PCDHAC1: variants seen among roughly 807,000 people sequenced by gnomAD.
PCDHAC1 encodes the protein protocadherin alpha-C1.
Under a neutral mutation model 60.0 loss-of-function variants are expected in PCDHAC1, and 42 were observed. The observed-to-expected ratio is 0.70, with a 90% confidence interval of 0.55 to 0.90. The LOEUF is 0.90. Ranked by LOEUF, PCDHAC1 falls within the 40% of genes least tolerant of loss-of-function variation. PCDHAC1 has a pLI of 0.00. For synonymous variants in PCDHAC1, 468 were observed against 499.3 expected (o/e 0.94, Z 0.84); for missense variants, 1,160 against 1,222.3 (o/e 0.95, Z 0.76).
intron 2 of PCDHAC1, among the ~76,000 whole-genome samples, chr5:140,979,906 C>T (rs190577549): frequency 1.8e-4 from 27 of 152,204 alleles, no homozygotes; most frequent in African/African-American, 5.5e-4. Context: ...TAGATCAGTT[C>T]GTAAAGAGAA....
intron 1 of PCDHAC1, among the ~76,000 whole-genome samples, chr5:140,942,466 A>G (rs1269455545): frequency 2.0e-5 from 3 of 152,266 alleles, no homozygotes; most frequent in African/African-American, 7.2e-5. Flanking sequence ...TAATACAATC[A>G]AATTCAAGCT....
intron 1 of PCDHAC1, among the ~76,000 whole-genome samples, chr5:140,952,596 GTT>G (rs1246642070): frequency 6.6e-6 from 1 of 152,136 alleles, no homozygotes; most frequent in Non-Finnish European, 1.5e-5. Flanking sequence ...TCTCTAGGAA[GTT>G]CTAAGCTCTC....
At chr5:140,950,439 G>A (rs1448812695) in intron 1 of PCDHAC1, among the ~76,000 whole-genome samples, 1 of 151,962 alleles carries the variant, frequency 6.6e-6, no homozygotes, top group Non-Finnish European at 1.5e-5. Context: ...TAAAAAAAAT[G>A]TTATTCTACT....
At chr5:140,968,507 T>A in intron 1 of PCDHAC1, 1 of 1,614,178 alleles carries the variant, frequency 6.2e-7, no homozygotes, top group South Asian at 1.1e-5. Context: ...TCACATTCTG[T>A]ACCCTACCTC....
At chr5:140,979,175 A>C in intron 2 of PCDHAC1, 168 bp downstream of exon 2, 8 of 951,628 alleles carry the variant, frequency 8.4e-6, no homozygotes, top group Non-Finnish European at 1.0e-5. Flanking sequence ...AAAGATCGCA[A>C]ATGGTCAGTG....
chr5:140,947,580 A>G (rs1031254382), intron 1 of PCDHAC1, among the ~76,000 whole-genome samples: 2 of 151,664 alleles, frequency 1.3e-5, no homozygotes, highest in Non-Finnish European at 3.0e-5. Context: ...TGTTTTTAAC[A>G]TTTAGATCAA....
chr5:140,953,131 C>T (rs1554220819), intron 1 of PCDHAC1, among the ~76,000 whole-genome samples: 1 of 152,158 alleles, frequency 6.6e-6, no homozygotes, highest in African/African-American at 2.4e-5. Context: ...TAAACCGTAT[C>T]ACTGTTATAT....
intron 3 of PCDHAC1, among the ~76,000 whole-genome samples, chr5:140,993,009 G>C (rs1228975075): frequency 3.9e-5 from 6 of 152,172 alleles, no homozygotes; most frequent in Non-Finnish European, 8.8e-5. Flanking sequence ...CCTCCCCAGA[G>C]TCCAGCATCC....
intron 1 of PCDHAC1, among the ~76,000 whole-genome samples, chr5:140,960,384 A>G (rs1204813293): frequency 6.6e-6 from 1 of 152,198 alleles, no homozygotes. Flanking sequence ...GTGCCAAGAC[A>G]TTAGGATGCA....
chr5:140,966,710 G>A, intron 1 of PCDHAC1: 1 of 1,391,664 alleles, frequency 7.2e-7, no homozygotes, highest in Non-Finnish European at 9.3e-7. Flanking sequence ...GTGGGGCACG[G>A]CTGGGGAAGC....
At chr5:140,979,843 A>G (rs1373380351) in intron 2 of PCDHAC1, among the ~76,000 whole-genome samples, 1 of 152,246 alleles carries the variant, frequency 6.6e-6, no homozygotes, top group African/African-American at 2.4e-5. Context: ...TAATCTTCAA[A>G]CTTAAGCCCC....
intron 1 of PCDHAC1, among the ~76,000 whole-genome samples, chr5:140,941,202 C>CCTTTCTTCCTTTCTTTTTCTTT (rs1394736170): frequency 8.1e-6 from 1 of 122,742 alleles, no homozygotes; most frequent in African/African-American, 3.0e-5. Flanking sequence ...TTTCTTTCTT[C>CCTTTCTTCCTTTCTTTTTCTTT]CTTTCTTTCT....
chr5:140,999,600 TG>T (rs1213821435), intron 3 of PCDHAC1, among the ~76,000 whole-genome samples: 3 of 152,150 alleles, frequency 2.0e-5, no homozygotes. Context: ...CCCTACATCC[TG>T]GGGGACCTTA....
At chr5:140,964,213 A>G (rs1338010666) in intron 1 of PCDHAC1, among the ~76,000 whole-genome samples, 10 of 152,210 alleles carry the variant, frequency 6.6e-5, no homozygotes, top group African/African-American at 1.9e-4. Flanking sequence ...CTTTAGTACA[A>G]TGTCTTTCAA....
At chr5:140,962,348 C>T (rs2095675606) in intron 1 of PCDHAC1, among the ~76,000 whole-genome samples, 1 of 152,130 alleles carries the variant, frequency 6.6e-6, no homozygotes, top group South Asian at 2.1e-4. Flanking sequence ...AGTAAAACTC[C>T]CCCCAATACT....
intron 1 of PCDHAC1, among the ~76,000 whole-genome samples, chr5:140,956,132 C>G (rs782171826): frequency 2.6e-5 from 4 of 152,028 alleles, no homozygotes; most frequent in Admixed American, 6.6e-5. Context: ...ATTTGAATAC[C>G]CTTTATTTCT....
At chr5:140,978,881 A>G in intron 1 of PCDHAC1, 68 bp from the exon 2 acceptor site, 1 of 1,610,922 alleles carries the variant, frequency 6.2e-7, no homozygotes, top group Non-Finnish European at 8.5e-7. Flanking sequence ...TAACTAATCA[A>G]TTAGCAGCAT....
chr5:140,976,812 G>A (rs2096732233), intron 1 of PCDHAC1, among the ~76,000 whole-genome samples: 1 of 152,178 alleles, frequency 6.6e-6, no homozygotes, highest in Non-Finnish European at 1.5e-5. Flanking sequence ...CTGAAGATAT[G>A]CATGTGTCTA....
chr5:140,961,028 C>T (rs889602727), intron 1 of PCDHAC1, among the ~76,000 whole-genome samples: 2 of 152,146 alleles, frequency 1.3e-5, no homozygotes, highest in African/African-American at 4.8e-5. Context: ...TTGCTACCTC[C>T]TTGTTTTGAG....
Sources: allele counts gnomAD v4.1 joint callset (sites outside exome capture counted in the v4.1 genomes callset), GRCh38; gene constraint gnomAD v4.1.1; transcripts MANE v1.5; gene names NCBI Gene and HGNC (gene_info 2026-07-23, HGNC 2026-07-21).